ABCG2: variants seen among roughly 807,000 people sequenced by gnomAD.
The protein encoded by ABCG2 is ATP binding cassette subfamily G member 2 (JR blood group), also known as broad substrate specificity ATP-binding cassette transporter ABCG2.
In ABCG2, 80 loss-of-function variants were observed where a neutral mutation model predicts 73.5. The observed-to-expected ratio is 1.09, with a 90% confidence interval of 0.91 to 1.31. The LOEUF is 1.31. Ranked by LOEUF, ABCG2 falls within the 50% of genes most tolerant of loss-of-function variation. ABCG2 has a pLI of 0.00. For synonymous variants in ABCG2, 269 were observed against 282.4 expected (o/e 0.95, Z 0.48); for missense variants, 796 against 786.2 (o/e 1.01, Z -0.15).
chr4:88,134,498 T>C (rs1725112723), intron 2 of ABCG2, among the ~76,000 whole-genome samples: 1 of 152,214 alleles, frequency 6.6e-6, no homozygotes, highest in Non-Finnish European at 1.5e-5. Flanking sequence ...ATACTAATGA[T>C]TGGGCAAATT....
intron 1 of ABCG2, among the ~76,000 whole-genome samples, chr4:88,205,137 G>T (rs1729328154): frequency 6.6e-6 from 1 of 152,190 alleles, no homozygotes; most frequent in Non-Finnish European, 1.5e-5. Flanking sequence ...ACTAGGAAAT[G>T]TCTAATGAAT....
chr4:88,152,999 T>C (rs1004131041), intron 1 of ABCG2, among the ~76,000 whole-genome samples: 5 of 151,948 alleles, frequency 3.3e-5, no homozygotes, highest in African/African-American at 9.7e-5. Flanking sequence ...TTTGTATGAA[T>C]TGAAAAAAGA....
rs546670609 is a variant in ABCG2, at chr4:88,130,600, G to A, written c.531+461C>T. On this transcript the variant is annotated intron_variant, in intron 5 of 15. Coordinates refer to ENST00000237612, the MANE Select transcript of ABCG2 (RefSeq NM_004827.3). ...ATAAAACTGGTCCCTGGTGGCAAAA[G>A]TTGGGGACTGCTGATACAGAGCAAG... 7.2e-5 allele frequency among the ~76,000 whole-genome samples: 11 copies of A among 152,244 alleles called. No homozygotes were observed. In the East Asian group the frequency reaches 2.1e-3, roughly 29 times the overall value.
intron 1 of ABCG2, among the ~76,000 whole-genome samples, chr4:88,149,462 A>C (rs912925257): frequency 1.3e-5 from 2 of 152,216 alleles, no homozygotes; most frequent in Admixed American, 1.3e-4. Flanking sequence ...AATCCATCAC[A>C]GAATGTGTGG....
At chr4:88,128,674 G>GA (rs1724608877) in intron 5 of ABCG2, among the ~76,000 whole-genome samples, 1 of 152,150 alleles carries the variant, frequency 6.6e-6, no homozygotes, top group South Asian at 2.1e-4. Context: ...CACAGGAACA[G>GA]AAAACGAAAC....
At chr4:88,106,966 C>T (rs556348156) in intron 10 of ABCG2, among the ~76,000 whole-genome samples, 58 of 152,230 alleles carry the variant, frequency 3.8e-4, no homozygotes, top group Middle Eastern at 6.8e-3. Flanking sequence ...TGCTTGAACC[C>T]GGGAGGCGGA....
intron 1 of ABCG2, among the ~76,000 whole-genome samples, chr4:88,174,799 T>C (rs1727892464): frequency 6.6e-6 from 1 of 152,270 alleles, no homozygotes; most frequent in African/African-American, 2.4e-5. Flanking sequence ...ATGAAGTCTT[T>C]GCTCATGCCT....
chr4:88,153,535 T>G (rs190447792), intron 1 of ABCG2, among the ~76,000 whole-genome samples: 40,588 of 118,228 alleles, frequency 0.34, 8,180 homozygotes, highest in East Asian at 0.57. Flanking sequence ...TCCTGAAGAT[T>G]GAGGATGGTA....
intron 1 of ABCG2, among the ~76,000 whole-genome samples, chr4:88,220,155 A>G (rs1281839952): frequency 6.6e-6 from 1 of 152,162 alleles, no homozygotes; most frequent in Non-Finnish European, 1.5e-5. Flanking sequence ...CAGAATTTTC[A>G]TCCCTTTTGA....
At chr4:88,153,589 G>C (rs1364563765) in intron 1 of ABCG2, among the ~76,000 whole-genome samples, 1 of 151,008 alleles carries the variant, frequency 6.6e-6, no homozygotes, top group East Asian at 2.0e-4. Flanking sequence ...CCGAAAAACT[G>C]CTTGGCTGAT....
chr4:88,121,872 G>A (rs1243552318), intron 5 of ABCG2, 80 bp from the exon 6 acceptor site: 1 of 1,359,794 alleles, frequency 7.4e-7, no homozygotes, highest in East Asian at 2.3e-5. Context: ...TGCCAGTCCT[G>A]TAAGAGACAC....
intron 1 of ABCG2, among the ~76,000 whole-genome samples, chr4:88,197,787 A>G (rs1351893473): frequency 1.3e-5 from 2 of 151,962 alleles, no homozygotes; most frequent in South Asian, 2.1e-4. Context: ...TGGGTGATAC[A>G]GTAAGACCCT....
intron 1 of ABCG2, among the ~76,000 whole-genome samples, chr4:88,149,997 A>ATAAAAG (rs1726339464): frequency 1.3e-5 from 2 of 151,972 alleles, no homozygotes; most frequent in Admixed American, 1.3e-4. Flanking sequence ...CAACAGTGCT[A>ATAAAAG]CGGAGAAAAA....
At chr4:88,152,960 A>G (rs547417214) in intron 1 of ABCG2, among the ~76,000 whole-genome samples, 2 of 152,266 alleles carry the variant, frequency 1.3e-5, no homozygotes, top group South Asian at 2.1e-4. Flanking sequence ...ATTGTCCTAT[A>G]TAAGTATTGG....
chr4:88,122,713 G>GT, intron 5 of ABCG2, among the ~76,000 whole-genome samples: 1 of 152,348 alleles, frequency 6.6e-6, no homozygotes, highest in Middle Eastern at 3.4e-3. Context: ...AGCAGCTGAG[G>GT]TAAGGGGAGG....
intron 5 of ABCG2, among the ~76,000 whole-genome samples, chr4:88,128,249 G>A (rs1462576277): frequency 4.6e-5 from 7 of 152,080 alleles, no homozygotes; most frequent in African/African-American, 1.4e-4. Flanking sequence ...TTAGAATAGC[G>A]ATGATTAAAA....
intron 5 of ABCG2, among the ~76,000 whole-genome samples, chr4:88,128,937 AG>A (rs1724636022): frequency 1.3e-5 from 2 of 152,346 alleles, no homozygotes; most frequent in South Asian, 4.1e-4. Flanking sequence ...TTTTAAAAAA[AG>A]CACCTGCTTT....
At chr4:88,227,469 A>G (rs1730269208) in intron 1 of ABCG2, among the ~76,000 whole-genome samples, 1 of 152,136 alleles carries the variant, frequency 6.6e-6, no homozygotes, top group Non-Finnish European at 1.5e-5. Context: ...TAAACCATAA[A>G]TGTATTCTTT....
In ABCG2 at chr4:88,194,537, C is replaced by G. The variant is rs371236748; in HGVS notation, c.-20+36457G>C. Among the ~76,000 whole-genome samples, 53 of 99,224 alleles carry G rather than the reference C, an allele frequency of 5.3e-4. No individual in the cohort carries two copies. The East Asian group carries it at 8.3e-3, about 16-fold the overall frequency. 65.1% of individuals were successfully genotyped at this position (99,224 alleles called of 152,430 possible). ...TGCACTCCAGCCTGGGCGACAGAGCCAGACTCCGTCTCAAAAAAAAAAAAA... is the reference window on the plus strand; with the variant it reads ...TGCACTCCAGCCTGGGCGACAGAGCGAGACTCCGTCTCAAAAAAAAAAAAA... On this transcript the variant is annotated intron_variant, in intron 1 of 15. Transcript: ENST00000515655.
Sources: allele counts gnomAD v4.1 joint callset (sites outside exome capture counted in the v4.1 genomes callset), GRCh38; gene constraint gnomAD v4.1.1; transcripts MANE v1.5; gene names NCBI Gene and HGNC (gene_info 2026-07-23, HGNC 2026-07-21).